The following STRA6 variants were observed in gnomAD, a reference collection of about 807,000 sequenced individuals.
STRA6 encodes the protein receptor for retinol uptake STRA6.
STRA6 carries 48 observed loss-of-function variants against 83.6 expected under a neutral mutation model. The ratio of observed to expected loss-of-function variants is 0.57; its 90% CI spans 0.46 to 0.73. The LOEUF is 0.73. Ranked by LOEUF, STRA6 falls within the 30% of genes least tolerant of loss-of-function variation. STRA6 has a pLI of 0.00. For synonymous variants in STRA6, 353 were observed against 362.3 expected (o/e 0.97, Z 0.29); for missense variants, 760 against 838.8 (o/e 0.91, Z 1.16).
chr15:74,195,019 G>C, intron 7 of STRA6: 1 of 1,434,360 alleles, frequency 7.0e-7, no homozygotes, highest in Non-Finnish European at 9.1e-7. Flanking sequence ...TGGGGGTGGG[G>C]GCCATTTCAG....
chr15:74,185,164 A>T, intron 12 of STRA6, 109 bp from the exon 13 acceptor site: 1 of 1,080,070 alleles, frequency 9.3e-7, no homozygotes, highest in Non-Finnish European at 1.4e-6. Context: ...CCCTGCCCCA[A>T]ACTGAACTCT....
chr15:74,204,640 C>G (rs922993254), upstream of STRA6, among the ~76,000 whole-genome samples: 4 of 152,204 alleles, frequency 2.6e-5, no homozygotes, highest in African/African-American at 9.7e-5. Context: ...CTATCAGAAA[C>G]CATGCCCTTT....
chr15:74,182,745 T>G, intron 14 of STRA6: 1 of 418,008 alleles, frequency 2.4e-6, no homozygotes. Context: ...ACTTTGCAAA[T>G]GTTATTTCCC....
intron 9 of STRA6, 86 bp from the exon 10 acceptor site, chr15:74,191,329 T>C: frequency 6.2e-7 from 1 of 1,608,108 alleles, no homozygotes; most frequent in Non-Finnish European, 8.5e-7. Flanking sequence ...ATTCTTCCCC[T>C]CTGCCCCTGC....
intron 12 of STRA6, among the ~76,000 whole-genome samples, chr15:74,186,628 G>A (rs6495090): frequency 0.02 from 2,987 of 151,242 alleles, 90 homozygotes; most frequent in African/African-American, 0.068. Flanking sequence ...AAAATTAGCC[G>A]GGCCTGGTGG....
chr15:74,206,934 C>T (rs899003846), upstream of STRA6, among the ~76,000 whole-genome samples: 1 of 152,182 alleles, frequency 6.6e-6, no homozygotes, highest in Non-Finnish European at 1.5e-5. Context: ...CACAGATTGG[C>T]GGGTGGCTAA....
At chr15:74,208,731 A>C in intron 1 of STRA6, 4 of 987,580 alleles carry the variant, frequency 4.1e-6, no homozygotes, top group Non-Finnish European at 4.8e-6. Context: ...CGCACACCCC[A>C]TGTGCCTTCT....
intron 18 of STRA6, 31 bp downstream of exon 18, chr15:74,180,751 C>T: frequency 1.3e-6 from 2 of 1,592,574 alleles, no homozygotes; most frequent in East Asian, 2.3e-5. Context: ...TGGGTAGGCT[C>T]TATTCCCCCA....
At chr15:74,189,011 G>A (rs2073394731) in intron 12 of STRA6, 104 bp downstream of exon 12, 1 of 1,399,236 alleles carries the variant, frequency 7.1e-7, no homozygotes, top group Non-Finnish European at 9.9e-7. Context: ...GAAGGAATGT[G>A]TCCAAGGGCC....
At chr15:74,181,567 C>A in intron 16 of STRA6, 109 bp from the exon 17 acceptor site, 1 of 1,427,638 alleles carries the variant, frequency 7.0e-7, no homozygotes, top group East Asian at 2.5e-5. Context: ...GAGTGCCTAC[C>A]ATTTATTGCT....
At chr15:74,193,965 C>A (rs1268861892) in intron 7 of STRA6, 43 bp from the exon 8 acceptor site, 1 of 1,606,898 alleles carries the variant, frequency 6.2e-7, no homozygotes, top group Admixed American at 1.7e-5. Flanking sequence ...CCACCTTCTT[C>A]CCCCAGCCAA....
Position 74,191,681 on chromosome 15 carries a change from C to T in STRA6, c.721-190G>A. ...CCGTGCCCTCCAAAGCTTCCCTTTT[C>T]TCTCTCACAAATACAAGGCCAGTCT... On this transcript the variant is annotated intron_variant, in intron 8 of 18. Coordinates refer to ENST00000395105, the MANE Select transcript of STRA6 (RefSeq NM_022369.4). The T allele has an allele frequency of 9.4e-6, 6 of 639,888 alleles. No individual in the cohort carries two copies. In the South Asian group the frequency reaches 1.1e-4, roughly 11 times the overall value. 39.6% of individuals were successfully genotyped at this position (639,888 alleles called of 1,614,324 possible).
Position 74,180,176 on chromosome 15 carries a change from C to T in STRA6, c.1908G>A (p.Arg636=), listed in dbSNP as rs763698147. ...KGARPGASRG[R]ARWGLAYTLL... Reference sequence around the variant, plus strand: ...GCGTGTAGGCCAGACCCCAGCGAGCCCTGCCGCGGCTGGCCCCGGGCCTAG... The same window carrying T: ...GCGTGTAGGCCAGACCCCAGCGAGCTCTGCCGCGGCTGGCCCCGGGCCTAG... Residue 636 remains arginine (R), a synonymous_variant, in exon 19 of 19, where the codon AGG becomes AGA. Transcript: ENST00000395105. 6 of 1,613,992 alleles carry T rather than the reference C, an allele frequency of 3.7e-6. No homozygotes were observed. The highest frequency in any genetic ancestry group is 5.1e-6 in the Non-Finnish European group (6 of 1,179,998).
upstream of STRA6, among the ~76,000 whole-genome samples, chr15:74,205,416 T>G (rs1037847938): frequency 1.3e-5 from 2 of 152,064 alleles, no homozygotes; most frequent in Admixed American, 6.5e-5. Flanking sequence ...GGCAGGACAC[T>G]TGGCAAGAGA....
At chr15:74,198,321 G>A (rs746657325) in intron 2 of STRA6, among the ~76,000 whole-genome samples, 8 of 152,000 alleles carry the variant, frequency 5.3e-5, no homozygotes, top group East Asian at 3.9e-4. Flanking sequence ...ATGTCGCCCA[G>A]GCTGGTCTTG....
upstream of STRA6, chr15:74,209,500 G>GCCCT (rs2074336228): frequency 4.7e-6 from 7 of 1,487,250 alleles, no homozygotes; most frequent in African/African-American, 9.7e-5. Context: ...ACAGCTAAGG[G>GCCCT]GAGTCATCAC....
rs529614787 is a variant in STRA6 at position 74,195,996 on chromosome 15, G to T, written c.406+12C>A. On this transcript the variant is annotated intron_variant, in intron 5 of 18. Transcript: ENST00000395105. ...ATCACACCAACCCCAGGGCCTGGGG[G>T]TCAGTGGGTACCTTGGCTGGGTGCT... 2 of 1,613,698 alleles carry T rather than the reference G, an allele frequency of 1.2e-6. No individual in the cohort carries two copies. Among genetic ancestry groups the T allele is most frequent in the Admixed American group, 1.7e-5 (1 of 59,992 alleles).
Position 74,182,326 on chromosome 15 carries a change from T to C in STRA6, c.1418+17A>G. The stretch of plus-strand genomic sequence containing the variant: ...CTCTAAGGAGTCCCTGAGCCCTCCA[T>C]GTCTTGTTTCACTCACCACGAGGAC... On this transcript the variant is annotated intron_variant, in intron 15 of 18. Transcript: ENST00000395105. 1.2e-6 allele frequency: 2 copies of C among 1,613,916 alleles called. No individual in the cohort carries two copies. Among genetic ancestry groups the C allele is most frequent in the Non-Finnish European group, 1.7e-6 (2 of 1,179,872 alleles).
chr15:74,207,389 G>T (rs1239954478), upstream of STRA6, among the ~76,000 whole-genome samples: 1 of 152,058 alleles, frequency 6.6e-6, no homozygotes, highest in Non-Finnish European at 1.5e-5. Flanking sequence ...CCCCCAAGAA[G>T]CCCCAGACCT....
Sources: allele counts gnomAD v4.1 joint callset (sites outside exome capture counted in the v4.1 genomes callset), GRCh38; gene constraint gnomAD v4.1.1; transcripts MANE v1.5; gene names NCBI Gene and HGNC (gene_info 2026-07-23, HGNC 2026-07-21).